The following PCDHA8 variants were observed in gnomAD, a reference collection of about 807,000 sequenced individuals.
PCDHA8 encodes the protein protocadherin alpha 8.
In PCDHA8, 53 loss-of-function variants were observed where a neutral mutation model predicts 61.8. The ratio of observed to expected loss-of-function variants is 0.86; its 90% CI spans 0.69 to 1.08. PCDHA8 has a LOEUF of 1.08. Among genes scored for constraint, PCDHA8 ranks in the 50% least tolerant of loss-of-function variants. PCDHA8 has a pLI of 0.00. For missense variants in PCDHA8, 1,293 were observed against 1,245.0 expected (o/e 1.04, Z -0.58); for synonymous variants, 618 against 556.6 (o/e 1.11, Z -1.55).
intron 1 of PCDHA8, among the ~76,000 whole-genome samples, chr5:140,961,895 T>A (rs1453853880): frequency 6.6e-6 from 1 of 152,012 alleles, no homozygotes; most frequent in Non-Finnish European, 1.5e-5. Flanking sequence ...CAGTTTTTTT[T>A]TTTTTTGAGA....
rs931844758 is a variant in PCDHA8 at position 140,867,293 on chromosome 5, A to G, written c.2394+23578A>G. 2.6e-5 allele frequency: 4 copies of G among 152,096 alleles called. No homozygotes were observed. The South Asian group carries it at 6.2e-4, about 24-fold the overall frequency. The allele number at this position is 152,096 out of a possible 1,614,324, so 9.4% of individuals were successfully genotyped here. The stretch of plus-strand genomic sequence containing the variant: ...ATAAACCTGATGTGCTTCAAATATC[A>G]TGTTGAATATACTGTCATCTGGTCT... On this transcript the variant is annotated intron_variant, in intron 1 of 3. Coordinates refer to ENST00000531613, the MANE Select transcript of PCDHA8 (RefSeq NM_018911.3).
Position 140,850,119 on chromosome 5 carries a change from G to T in PCDHA8, c.2394+6404G>T, listed in dbSNP as rs2150468632. On this transcript the variant is annotated intron_variant, in intron 1 of 3. Coordinates refer to ENST00000531613, the MANE Select transcript of PCDHA8 (RefSeq NM_018911.3). ...CCAGGTGAGCGCGCGCGACGCGGGC[G>T]TGCCGCCTCTGGGCAGCAACGTGAC... is the stretch of plus-strand genomic sequence containing the variant. The T allele has an allele frequency of 1.1e-5, 17 of 1,596,076 alleles. No homozygotes were observed. The Admixed American group carries it at 1.9e-4, about 17-fold the overall frequency.
At chr5:140,935,363 C>T (rs1005942314) in intron 1 of PCDHA8, among the ~76,000 whole-genome samples, 3 of 152,180 alleles carry the variant, frequency 2.0e-5, no homozygotes, top group African/African-American at 7.2e-5. Flanking sequence ...TTTTCATTAA[C>T]GTCAACAGAA....
At chr5:140,960,743 G>A (rs1328860955) in intron 1 of PCDHA8, among the ~76,000 whole-genome samples, 3 of 151,482 alleles carry the variant, frequency 2.0e-5, no homozygotes, top group Non-Finnish European at 4.4e-5. Flanking sequence ...TTTAGTCCAT[G>A]GCTAAAATCC....
intron 1 of PCDHA8, chr5:140,926,863 G>A: frequency 1.3e-6 from 2 of 1,523,054 alleles, no homozygotes; most frequent in Non-Finnish European, 8.8e-7. Flanking sequence ...GGTGTAGCGT[G>A]TTGGTGGAAC....
At chr5:140,899,193 G>T (rs2153463118) in intron 1 of PCDHA8, among the ~76,000 whole-genome samples, 1 of 151,990 alleles carries the variant, frequency 6.6e-6, no homozygotes, top group Middle Eastern at 3.4e-3. Context: ...TCCTTCTCCT[G>T]CCTAATTGCC....
At position 140,876,007 on chromosome 5, in the gene PCDHA8, G is replaced by A. The variant is rs1177191662; in HGVS notation, c.2394+32292G>A. 9 of 1,613,658 alleles carry A rather than the reference G, an allele frequency of 5.6e-6. No individual in the cohort carries two copies. Among genetic ancestry groups the A allele is most frequent in the Non-Finnish European group, 7.6e-6 (9 of 1,179,880 alleles). ...TGCGTTAAGTCTAAATGAGAATTTTGAGCTTAAAATAAAAACAAAAAAAGA... is the reference window on the plus strand; with the variant it reads ...TGCGTTAAGTCTAAATGAGAATTTTAAGCTTAAAATAAAAACAAAAAAAGA... On this transcript the variant is annotated intron_variant, in intron 1 of 3. Transcript: ENST00000531613.
chr5:140,849,562 C>T, intron 1 of PCDHA8: 2 of 1,598,556 alleles, frequency 1.3e-6, no homozygotes, highest in Non-Finnish European at 1.7e-6. Context: ...AAAACGCTCT[C>T]GGTTCCTGTA....
At chr5:140,960,508 A>C (rs1026528724) in intron 1 of PCDHA8, among the ~76,000 whole-genome samples, 10 of 152,190 alleles carry the variant, frequency 6.6e-5, no homozygotes, top group Non-Finnish European at 1.3e-4. Context: ...TCCAAGCAGC[A>C]AACATAATGG....
intron 1 of PCDHA8, chr5:140,875,905 T>C (rs1554168057): frequency 2.0e-5 from 32 of 1,614,104 alleles, no homozygotes; most frequent in Non-Finnish European, 1.6e-5. Flanking sequence ...TGTTTCTGAA[T>C]CTGCGCCTCT....
intron 1 of PCDHA8, among the ~76,000 whole-genome samples, chr5:140,907,242 T>A (rs532344223): frequency 6.6e-6 from 1 of 152,328 alleles, no homozygotes; most frequent in African/African-American, 2.4e-5. Flanking sequence ...TAGTTGACAT[T>A]GTAATTGTGA....
At chr5:140,865,422 A>G (rs1381017187) in intron 1 of PCDHA8, 2 of 152,214 alleles carry the variant, frequency 1.3e-5, no homozygotes, top group African/African-American at 4.8e-5. Context: ...AGTAGTGTCT[A>G]CCTAGAAAAA....
rs569501434 is a variant in PCDHA8 at position 140,980,458 on chromosome 5, T to C, written c.2453+1451T>C. Among the ~76,000 whole-genome samples the C allele has an allele frequency of 1.6e-4, 25 of 152,264 alleles. No individual in the cohort carries two copies. The South Asian group carries it at 2.7e-3, about 16-fold the overall frequency. ...CATCCTGGACAACACGGTGAAACCC[T>C]GTCTCTACTAAAAATACAAAAATTA... On this transcript the variant is annotated intron_variant, in intron 2 of 3. Coordinates refer to ENST00000531613, the MANE Select transcript of PCDHA8 (RefSeq NM_018911.3).
chr5:140,985,096 C>A (rs1486346952), intron 3 of PCDHA8, among the ~76,000 whole-genome samples: 1 of 152,096 alleles, frequency 6.6e-6, no homozygotes, highest in Non-Finnish European at 1.5e-5. Context: ...TGCCACCAAG[C>A]CTGGCTAATT....
chr5:140,883,686 A>G (rs1380292802), intron 1 of PCDHA8: 1 of 1,613,664 alleles, frequency 6.2e-7, no homozygotes, highest in East Asian at 2.2e-5. Flanking sequence ...CCGGGCTGCC[A>G]CATCTTCACG....
intron 1 of PCDHA8, chr5:140,929,343 A>G (rs1204297753): frequency 2.0e-6 from 3 of 1,531,032 alleles, no homozygotes; most frequent in Non-Finnish European, 2.6e-6. Context: ...AATTTTATGG[A>G]ATTTGATTCC....
chr5:140,985,532 G>A (rs1358120172), intron 3 of PCDHA8, among the ~76,000 whole-genome samples: 2 of 152,190 alleles, frequency 1.3e-5, no homozygotes, highest in African/African-American at 4.8e-5. Context: ...AAAGCTTCAC[G>A]GTGAAGATGC....
At chr5:140,857,501 G>A in intron 1 of PCDHA8, 1 of 1,598,358 alleles carries the variant, frequency 6.3e-7, no homozygotes, top group Non-Finnish European at 8.6e-7. Context: ...GGACGCGCAG[G>A]AGAACGCCCT....
intron 1 of PCDHA8, chr5:140,927,491 T>G (rs2084266726): frequency 1.2e-6 from 2 of 1,614,118 alleles, no homozygotes; most frequent in Non-Finnish European, 1.7e-6. Flanking sequence ...GCCACCCACC[T>G]GCTGGTGCTT....
Sources: allele counts gnomAD v4.1 joint callset (sites outside exome capture counted in the v4.1 genomes callset), GRCh38; gene constraint gnomAD v4.1.1; transcripts MANE v1.5; gene names NCBI Gene and HGNC (gene_info 2026-07-23, HGNC 2026-07-21).